FLNA: variants seen among roughly 807,000 people sequenced by gnomAD.
The protein encoded by FLNA is filamin-A.
In FLNA, 7 loss-of-function variants were observed where a neutral mutation model predicts 157.6. The ratio of observed to expected loss-of-function variants is 0.04; its 90% CI spans 0.03 to 0.08. The LOEUF is 0.08. FLNA is among the 10% of genes least tolerant of loss of function. FLNA has a pLI of 1.00. For missense variants in FLNA, 1,750 were observed against 2,398.4 expected, an observed-to-expected ratio of 0.73 and a Z score of 5.65; for synonymous variants, 1,103 against 1,060.8, an observed-to-expected ratio of 1.04 and a Z score of -0.77.
In FLNA at chrX:154,362,039, A is replaced by G. The variant is rs782095611; in HGVS notation, c.2766T>C (p.Asp922=). Residue 922 remains aspartate, a synonymous_variant, in exon 19 of 48, where the codon GAT becomes GAC. Transcript: ENST00000369850. ...TGTCATGGTGGTCGATGATGTCCAC[A>G]TCTCGCACTGCATCCCCCTTGGTGA... ...SGLTKGDAVR[D]VDIIDHHDNT... 3 of 1,210,140 alleles carry G rather than the reference A, an allele frequency of 2.5e-6. No individual in the cohort carries two copies. Among genetic ancestry groups the G allele is most frequent in the South Asian group, 3.5e-5 (2 of 56,927 alleles).
intron 13 of FLNA, 75 bp downstream of exon 13, chrX:154,364,451 A>T (rs1264377910): frequency 2.5e-6 from 3 of 1,181,899 alleles, no homozygotes; most frequent in Non-Finnish European, 3.4e-6. Context: ...GGCCAGGGAC[A>T]CAGAGTGCCA....
Position 154,348,865 on chromosome X carries a change from C to A in FLNA, c.7928G>T (p.Arg2643Leu). The A allele has an allele frequency of 8.3e-7, 1 of 1,208,299 alleles. No individual in the cohort carries two copies. Residue 2643 changes from arginine to leucine, a missense_variant, in exon 48 of 48, where the codon CGC becomes CTC. This residue lies in a region of FLNA where 970 missense variants were observed against 1,302.6 expected (regional missense o/e 0.74). Coordinates refer to ENST00000369850, the MANE Select transcript of FLNA (RefSeq NM_001110556.2). ...GDEHIPGSPY[R>L]VVVP is the part of the protein sequence containing the mutation. ...GCCCCAGACTCAGGGCACCACAACG[C>A]GGTAGGGGCTGCCTGGGATGTGCTC... is the stretch of plus-strand genomic sequence containing the variant.
At chrX:154,356,353 G>A (rs998843667) in intron 30 of FLNA, among the ~76,000 whole-genome samples, 2 of 111,625 alleles carry the variant, frequency 1.8e-5, no homozygotes, top group Non-Finnish European at 3.8e-5. Context: ...GGGAAACTGA[G>A]GTTACTGAGT....
chrX:154,372,587 G>C (rs1428642054), intron 1 of FLNA, among the ~76,000 whole-genome samples: 1 of 110,891 alleles, frequency 9.0e-6, no homozygotes, highest in African/African-American at 3.3e-5. Context: ...ATGTAGACTG[G>C]GACCAGGGGA....
At position 154,352,337 on chromosome X, in the gene FLNA, C is replaced by T. The variant is rs781935515; in HGVS notation, c.6613G>A (p.Ala2205Thr). Residue 2205 changes from alanine to threonine, a missense_variant, in exon 41 of 48, where the codon GCT (alanine) becomes ACT (threonine). Physicochemically the swap from Ala to Thr is moderately conservative, Grantham distance 58 (BLOSUM62 0). Around this residue, in one of 5 missense-constraint regions of FLNA, gnomAD observed 970 missense variants for 1,302.6 expected, o/e 0.74. Transcript: ENST00000369850. The stretch of plus-strand genomic sequence containing the variant: ...CTGACTGTGTGTGTGCCCATCTCAG[C>T]GGGAACAAAGCGGATGCAGTAGGTG... ...NHTYCIRFVPAEMGTHTVSVK... is the reference protein window; with the variant it reads ...NHTYCIRFVPTEMGTHTVSVK... 1.6e-5 allele frequency: 19 copies of T among 1,210,784 alleles called. No individual in the cohort carries two copies. Among genetic ancestry groups the T allele is most frequent in the Admixed American group, 1.1e-4 (5 of 45,997 alleles).
At chrX:154,359,956 C>A (rs995319615) in intron 22 of FLNA, 34 bp downstream of exon 22, 1 of 1,205,565 alleles carries the variant, frequency 8.3e-7, no homozygotes, top group Non-Finnish European at 1.1e-6. Context: ...TGGTCCCTGT[C>A]CCCCGTCACA....
chrX:154,350,614 G>T, intron 44 of FLNA: 1 of 391,638 alleles, frequency 2.6e-6, no homozygotes, highest in South Asian at 3.4e-5. Context: ...CCCCAGGCCT[G>T]TGCACAAGTA....
At position 154,366,599 on chromosome X, in the gene FLNA, G is replaced by A; in HGVS notation, c.1028C>T (p.Ser343Phe). The A allele has an allele frequency of 8.3e-7, 1 of 1,212,086 alleles. No homozygotes were observed. The highest frequency in any genetic ancestry group is 1.1e-6 in the Non-Finnish European group (1 of 895,417). ...CGTCACCTCGGGGACGTACCAGACGGAGAAGGTGCGGTTCTTGTCGTTATT... is the reference window on the plus strand; with the variant it reads ...CGTCACCTCGGGGACGTACCAGACGAAGAAGGTGCGGTTCTTGTCGTTATT... ...TANNDKNRTF[S>F]VWYVPEVTGT... Residue 343 changes from serine (S) to phenylalanine (F), a missense_variant, in exon 7 of 48, where the codon TCC becomes TTC. This residue lies in a region of FLNA where 648 missense variants were observed against 805.8 expected (regional missense o/e 0.80). Transcript: ENST00000369850.
intron 21 of FLNA, among the ~76,000 whole-genome samples, 191 bp downstream of exon 21, chrX:154,361,117 T>G (rs1273546912): frequency 1.2e-5 from 1 of 80,053 alleles, no homozygotes; most frequent in Non-Finnish European, 2.4e-5. Flanking sequence ...TCAACCCTGA[T>G]GACTTTTTGT....
chrX:154,357,058 C>T (rs782304666), intron 30 of FLNA, among the ~76,000 whole-genome samples, 193 bp downstream of exon 30: 21 of 112,140 alleles, frequency 1.9e-4, no homozygotes, highest in Non-Finnish European at 3.2e-4. Context: ...AGAGCTGGAG[C>T]GGTCATGCTC....
At position 154,354,257 on chromosome X, in the gene FLNA, C is replaced by T. The variant is rs782390251; in HGVS notation, c.5451G>A (p.Gln1817=). 5.8e-6 allele frequency: 7 copies of T among 1,210,842 alleles called. No homozygotes were observed. In the South Asian group the frequency reaches 1.2e-4, roughly 21 times the overall value. Residue 1817 remains glutamine, a synonymous_variant, in exon 34 of 48, where the codon CAG becomes CAA. Transcript: ENST00000369850. ...CGTCTTTGTTGTCAGTGATGGTGGG[C>T]TGCGCCACCTTGCCTGAGGGCATCC... ...EVRMPSGKVA[Q]PTITDNKDGT... is the part of the protein sequence containing the mutation.
chrX:154,359,926 G>A, intron 22 of FLNA, 21 bp from the exon 23 acceptor site: 1 of 1,209,793 alleles, frequency 8.3e-7, no homozygotes, highest in Non-Finnish European at 1.1e-6. Flanking sequence ...ACAGAGAGGA[G>A]GCTTGGGGCT....
chrX:154,356,307 C>A (rs1273265329), intron 30 of FLNA, among the ~76,000 whole-genome samples: 1 of 111,843 alleles, frequency 8.9e-6, no homozygotes, highest in Non-Finnish European at 1.9e-5. Flanking sequence ...CTTCCCCACC[C>A]CGGGCTCCCT....
intron 40 of FLNA, 35 bp from the exon 41 acceptor site, chrX:154,352,482 C>T (rs1557175975): frequency 2.5e-6 from 3 of 1,211,553 alleles, no homozygotes; most frequent in Admixed American, 2.2e-5. Flanking sequence ...AGCAGCAGCC[C>T]TGGGCTCCAC....
rs945630388 is a variant in FLNA, at chrX:154,367,873, G to T, written c.591C>A (p.Ala197=). ...NFSRDWQSGR[A]LGALVDSCAP... ...CACAGCTGTCCACCAGGGCGCCCAG[G>T]GCCCGGCCGCTCTGCCAGTCCCGGC... Residue 197 remains alanine, a synonymous_variant, in exon 3 of 48, where the codon GCC becomes GCA. Coordinates refer to ENST00000369850, the MANE Select transcript of FLNA (RefSeq NM_001110556.2). The T allele has an allele frequency of 2.7e-5, 33 of 1,209,224 alleles. No homozygotes were observed. Among genetic ancestry groups the T allele is most frequent in the Non-Finnish European group, 3.5e-5 (31 of 894,980 alleles).
At chrX:154,355,961 C>T (rs989241950) in intron 30 of FLNA, among the ~76,000 whole-genome samples, 1 of 112,695 alleles carries the variant, frequency 8.9e-6, no homozygotes, top group African/African-American at 3.2e-5. Context: ...AGGCCAAGCT[C>T]GAGGGGCCCT....
Position 154,359,608 on chromosome X carries a change from C to G in FLNA, c.4018G>C (p.Val1340Leu). ...SVDVTYDGSP[V>L]PSSPFQVPVT... ...GGCACCTGGAAGGGGCTGCTGGGCA[C>G]GGGACTGCCGTCATAGGTCACGTCC... The change falls in exon 24 of 48, where the codon GTG becomes CTG. Residue 1340 changes from valine to leucine, a missense_variant. By Grantham distance (32) the Val-to-Leu change is conservative. Around this residue, in one of 5 missense-constraint regions of FLNA, gnomAD observed 970 missense variants for 1,302.6 expected, o/e 0.74. Transcript: ENST00000369850. 8.3e-7 allele frequency: 1 copy of G among 1,210,768 alleles called. No homozygotes were observed. Among genetic ancestry groups the G allele is most frequent in the Non-Finnish European group, 1.1e-6 (1 of 895,327 alleles).
At position 154,348,674 on chromosome X, in the gene FLNA, G is replaced by T; in HGVS notation, c.*175C>A. Reference sequence around the variant, plus strand: ...GGCTCCCTCTGCCCAAGTGAAAGCCGAGAGGTCAGCGGCTGGCTGGGGAGG... The same window carrying T: ...GGCTCCCTCTGCCCAAGTGAAAGCCTAGAGGTCAGCGGCTGGCTGGGGAGG... On this transcript the variant is annotated 3_prime_UTR_variant, in exon 48 of 48. Coordinates refer to ENST00000369850, the MANE Select transcript of FLNA (RefSeq NM_001110556.2). The T allele has an allele frequency of 2.3e-6, 1 of 433,252 alleles. No individual in the cohort carries two copies. 35.7% of individuals were successfully genotyped at this position (433,252 alleles called of 1,213,427 possible).
Position 154,354,385 on chromosome X carries a change from G to A in FLNA, c.5412C>T (p.Ile1804=). The A allele has an allele frequency of 1.7e-6, 2 of 1,211,377 alleles. No homozygotes were observed. Among genetic ancestry groups the A allele is most frequent in the Non-Finnish European group, 2.2e-6 (2 of 895,133 alleles). ...CCTTCCCAAGTCCCCACTCACCTGT[G>A]ATCTCGCCCTTCTTGATGGTGAAGG... ...VIPFTIKKGE[I]TGEVRMPSGK... is the part of the protein sequence containing the mutation. The change falls in exon 33 of 48, where the codon ATC becomes ATT. Residue 1804 remains isoleucine (I), a synonymous_variant. Transcript: ENST00000369850.
Sources: allele counts gnomAD v4.1 joint callset (sites outside exome capture counted in the v4.1 genomes callset), GRCh38; gene constraint gnomAD v4.1.1; regional missense constraint gnomAD v4.1.1; transcripts MANE v1.5; gene names NCBI Gene and HGNC (gene_info 2026-07-23, HGNC 2026-07-21).